Variants in DCC observed in about 807,000 individuals in gnomAD.
The protein encoded by DCC is netrin receptor DCC.
A neutral mutation model predicts 172.5 loss-of-function variants in DCC; 58 were observed. The ratio of observed to expected loss-of-function variants is 0.34; its 90% CI spans 0.27 to 0.42. The LOEUF is 0.42. Ranked by LOEUF, DCC falls within the 10% of genes least tolerant of loss-of-function variation. The pLI is 1.00. For synonymous variants in DCC, 709 were observed against 644.5 expected (o/e 1.10, Z -1.52); for missense variants, 1,740 against 1,791.0 (o/e 0.97, Z 0.51).
At chr18:52,390,110 C>T (rs1985973013) in intron 1 of DCC, among the ~76,000 whole-genome samples, 1 of 151,952 alleles carries the variant, frequency 6.6e-6, no homozygotes, top group African/African-American at 2.4e-5. Context: ...AACAGAAGAC[C>T]CAGGCAGCAA....
intron 11 of DCC, 149 bp from the exon 12 acceptor site, chr18:53,215,398 CA>C: frequency 2.8e-6 from 2 of 709,716 alleles, no homozygotes; most frequent in Non-Finnish European, 2.5e-6. Flanking sequence ...TTCATCTCTC[CA>C]AAAATTTTTG....
At chr18:52,784,909 GGAGA>G (rs201862478) in intron 2 of DCC, among the ~76,000 whole-genome samples, 1 of 143,890 alleles carries the variant, frequency 6.9e-6, no homozygotes, top group Non-Finnish European at 1.5e-5. Context: ...AGGTGGAGGG[GGAGA>G]GAGAGAGAGA....
At chr18:52,349,306 C>T (rs538477593) in intron 1 of DCC, among the ~76,000 whole-genome samples, 3 of 152,164 alleles carry the variant, frequency 2.0e-5, no homozygotes, top group Non-Finnish European at 4.4e-5. Context: ...GTGTTGCCTT[C>T]TGTGCAGACT....
intron 28 of DCC, among the ~76,000 whole-genome samples, chr18:53,529,731 G>A (rs937983105): frequency 5.9e-5 from 9 of 152,174 alleles, no homozygotes; most frequent in Admixed American, 3.9e-4. Flanking sequence ...TAATTAGGAT[G>A]TCTAGGTTCT....
At chr18:52,524,020 T>A (rs766116986) in intron 1 of DCC, among the ~76,000 whole-genome samples, 3 of 152,214 alleles carry the variant, frequency 2.0e-5, no homozygotes, top group Admixed American at 6.5e-5. Flanking sequence ...GATGTTGGTG[T>A]CTTGTCATCA....
At chr18:52,525,564 G>A (rs769377666) in intron 1 of DCC, among the ~76,000 whole-genome samples, 8 of 152,304 alleles carry the variant, frequency 5.3e-5, no homozygotes, top group South Asian at 2.1e-4. Flanking sequence ...AAATCTGACC[G>A]CATAAAGCCT....
At chr18:52,551,667 T>C (rs748291901) in intron 1 of DCC, among the ~76,000 whole-genome samples, 18 of 151,520 alleles carry the variant, frequency 1.2e-4, no homozygotes, top group Admixed American at 4.6e-4. Flanking sequence ...CATGAAATGA[T>C]AATACAGAAT....
At chr18:52,733,112 T>A (rs1017492284) in intron 1 of DCC, among the ~76,000 whole-genome samples, 3 of 152,086 alleles carry the variant, frequency 2.0e-5, no homozygotes, top group Admixed American at 2.0e-4. Flanking sequence ...TGTCAAAGCA[T>A]CAAACTCACC....
At chr18:52,513,197 T>C (rs2031502816) in intron 1 of DCC, among the ~76,000 whole-genome samples, 1 of 152,184 alleles carries the variant, frequency 6.6e-6, no homozygotes, top group South Asian at 2.1e-4. Context: ...TTTGCTTGTT[T>C]TGTTTTGTTC....
At chr18:52,676,354 G>T (rs1204600668) in intron 1 of DCC, among the ~76,000 whole-genome samples, 1 of 152,120 alleles carries the variant, frequency 6.6e-6, no homozygotes, top group Non-Finnish European at 1.5e-5. Context: ...CCTAATAATG[G>T]TGTCTACCAC....
chr18:53,431,919 C>T (rs948843223), intron 21 of DCC, among the ~76,000 whole-genome samples: 7 of 152,040 alleles, frequency 4.6e-5, no homozygotes, highest in East Asian at 1.9e-4. Flanking sequence ...AAATTTATTA[C>T]GTGATTTCCC....
intron 1 of DCC, among the ~76,000 whole-genome samples, chr18:52,730,895 T>C (rs1370784430): frequency 1.3e-5 from 2 of 152,190 alleles, no homozygotes; most frequent in African/African-American, 4.8e-5. Flanking sequence ...TCAGACTTCA[T>C]TGGTTTTCTA....
At chr18:53,095,880 G>C (rs2043080116) in intron 7 of DCC, among the ~76,000 whole-genome samples, 1 of 149,170 alleles carries the variant, frequency 6.7e-6, no homozygotes, top group Non-Finnish European at 1.5e-5. Flanking sequence ...ATACAGAGTA[G>C]GCAGTCGGTA....
intron 2 of DCC, among the ~76,000 whole-genome samples, chr18:52,775,344 T>C (rs1352524934): frequency 6.6e-6 from 1 of 152,138 alleles, no homozygotes; most frequent in Non-Finnish European, 1.5e-5. Flanking sequence ...TACAGGGTGC[T>C]CTCTTAGTTT....
In DCC at chr18:53,227,213, T is replaced by C. The variant is rs546980298; in HGVS notation, c.1911+11616T>C. 7.2e-5 allele frequency among the ~76,000 whole-genome samples: 11 copies of C among 152,016 alleles called. No homozygotes were observed. In the East Asian group the frequency reaches 2.1e-3, roughly 29 times the overall value. On this transcript the variant is annotated intron_variant, in intron 12 of 28. Coordinates refer to ENST00000442544, the MANE Select transcript of DCC (RefSeq NM_005215.4). ...CTGCCACCTCGGCCTCCCATAGTGC[T>C]GGGATTACAGGTGTGAGCCACCATG...
At chr18:52,633,123 TTCCTGTCCTGTCCTG>T (rs373353322) in intron 1 of DCC, among the ~76,000 whole-genome samples, 13 of 128,794 alleles carry the variant, frequency 1.0e-4, no homozygotes, top group African/African-American at 3.4e-4. Context: ...TTCCTTTCCT[TTCCTGTCCTGTCCTG>T]TCCTGTCCTG....
chr18:52,841,717 T>C (rs1188665555), intron 2 of DCC, among the ~76,000 whole-genome samples: 2 of 152,184 alleles, frequency 1.3e-5, no homozygotes, highest in African/African-American at 4.8e-5. Flanking sequence ...AGTCATCCTG[T>C]AGTTGTTGGG....
intron 7 of DCC, among the ~76,000 whole-genome samples, chr18:53,087,639 G>A (rs1429721945): frequency 6.6e-6 from 1 of 152,096 alleles, no homozygotes; most frequent in African/African-American, 2.4e-5. Flanking sequence ...GGCTTTTGTT[G>A]CCATTGTTTT....
chr18:53,518,410 C>G (rs924846601), intron 27 of DCC, among the ~76,000 whole-genome samples: 1 of 152,034 alleles, frequency 6.6e-6, no homozygotes, highest in African/African-American at 2.4e-5. Flanking sequence ...GTTTCTCACC[C>G]CAAAAAATTA....
Sources: gnomAD v4.1 joint callset for allele counts (sites outside exome capture counted in the v4.1 genomes callset) on GRCh38, gnomAD v4.1.1 for gene constraint, MANE v1.5 for transcripts, NCBI Gene and HGNC (gene_info 2026-07-23, HGNC 2026-07-21) for gene names.